PTPRD: variants seen among roughly 807,000 people sequenced by gnomAD.
PTPRD encodes receptor-type tyrosine-protein phosphatase delta.
In PTPRD, 34 loss-of-function variants were observed where a neutral mutation model predicts 214.5. The observed-to-expected ratio is 0.16, with a 90% CI of 0.12 to 0.21. The LOEUF is 0.21. Ranked by LOEUF, PTPRD falls within the 10% of genes least tolerant of loss-of-function variation. PTPRD has a pLI of 1.00. For synonymous variants in PTPRD, 1,128 were observed against 845.7 expected, an observed-to-expected ratio of 1.33 and a Z score of -5.79; for missense variants, 2,545 against 2,398.7, an observed-to-expected ratio of 1.06 and a Z score of -1.27.
At chr9:9,960,775 T>C (rs1179320163) in intron 4 of PTPRD, among the ~76,000 whole-genome samples, 1 of 152,048 alleles carries the variant, frequency 6.6e-6, no homozygotes, top group Non-Finnish European at 1.5e-5. Context: ...TAACTAAATA[T>C]AATGTAATAT....
At chr9:8,466,156 T>C (rs2096540589) in intron 31 of PTPRD, among the ~76,000 whole-genome samples, 2 of 151,962 alleles carry the variant, frequency 1.3e-5, no homozygotes, top group African/African-American at 2.4e-5. Flanking sequence ...ACTCATATGA[T>C]ACAAATTCCC....
intron 2 of PTPRD, among the ~76,000 whole-genome samples, chr9:10,444,302 AGT>A (rs1003671142): frequency 3.3e-5 from 5 of 151,854 alleles, no homozygotes; most frequent in Non-Finnish European, 7.4e-5. Context: ...CTAAATTTTA[AGT>A]AATAAAAGAT....
intron 14 of PTPRD, among the ~76,000 whole-genome samples, chr9:8,537,168 G>A (rs1220073194): frequency 1.3e-5 from 2 of 151,948 alleles, no homozygotes; most frequent in East Asian, 3.9e-4. Context: ...ATAAGGGACT[G>A]AAAACAGAAA....
At chr9:10,610,712 A>G (rs967651003) in intron 2 of PTPRD, among the ~76,000 whole-genome samples, 1 of 152,150 alleles carries the variant, frequency 6.6e-6, no homozygotes, top group Non-Finnish European at 1.5e-5. Flanking sequence ...TTAAATAATA[A>G]TCAAGAAACA....
At chr9:8,711,761 A>T (rs544582684) in intron 12 of PTPRD, among the ~76,000 whole-genome samples, 1 of 152,336 alleles carries the variant, frequency 6.6e-6, no homozygotes, top group African/African-American at 2.4e-5. Flanking sequence ...AGACTGATAA[A>T]ACGTATTTCT....
At chr9:9,395,657 C>G (rs938272012) in intron 9 of PTPRD, among the ~76,000 whole-genome samples, 1 of 152,034 alleles carries the variant, frequency 6.6e-6, no homozygotes, top group Non-Finnish European at 1.5e-5. Flanking sequence ...TTCATGGTTA[C>G]TAACCAAACC....
At chr9:9,697,604 T>G (rs2097404500) in intron 7 of PTPRD, among the ~76,000 whole-genome samples, 1 of 152,144 alleles carries the variant, frequency 6.6e-6, no homozygotes. Flanking sequence ...CTTGTTGCTT[T>G]TAGAATTCTC....
At chr9:9,886,201 G>T (rs149726037) in intron 5 of PTPRD, among the ~76,000 whole-genome samples, 112 of 152,044 alleles carry the variant, frequency 7.4e-4, no homozygotes, top group African/African-American at 2.6e-3. Flanking sequence ...CCTAACCAAA[G>T]AATTATCAAT....
chr9:9,431,724 G>A (rs151139753), intron 8 of PTPRD, among the ~76,000 whole-genome samples: 9,821 of 151,770 alleles, frequency 0.065, 352 homozygotes, highest in Middle Eastern at 0.17. Flanking sequence ...CTATGCAGCC[G>A]TAAAAAGGAT....
intron 5 of PTPRD, among the ~76,000 whole-genome samples, chr9:9,886,533 G>C (rs146787233): frequency 4.6e-4 from 70 of 152,236 alleles, no homozygotes; most frequent in Non-Finnish European, 5.9e-4. Context: ...CCGTTCCACA[G>C]TGTATTTTCC....
intron 2 of PTPRD, among the ~76,000 whole-genome samples, chr9:10,535,600 C>CT (rs998125799): frequency 6.6e-5 from 10 of 151,996 alleles, no homozygotes; most frequent in Middle Eastern, 3.4e-3. Context: ...TTTTTATAGC[C>CT]TTTTTTAAAA....
chr9:8,489,267 T>G (rs1032556090), intron 27 of PTPRD, among the ~76,000 whole-genome samples: 1 of 152,216 alleles, frequency 6.6e-6, no homozygotes, highest in Non-Finnish European at 1.5e-5. Flanking sequence ...GTTTTTGATG[T>G]TGGCATGACC....
intron 2 of PTPRD, among the ~76,000 whole-genome samples, chr9:10,454,197 A>G (rs369189822): frequency 6.6e-6 from 1 of 151,548 alleles, no homozygotes; most frequent in Admixed American, 6.6e-5. Context: ...CCATTTTATC[A>G]TTTCAGCTAG....
At chr9:8,494,249 A>C (rs2097211403) in intron 26 of PTPRD, among the ~76,000 whole-genome samples, 1 of 152,168 alleles carries the variant, frequency 6.6e-6, no homozygotes, top group Non-Finnish European at 1.5e-5. Flanking sequence ...AGCTGATCCC[A>C]AATATGACAG....
In PTPRD at chr9:8,988,128, T is replaced by A. The variant is rs576168258; in HGVS notation, c.-104+30569A>T. On this transcript the variant is annotated intron_variant, in intron 11 of 45. Coordinates refer to ENST00000381196, the MANE Select transcript of PTPRD (RefSeq NM_002839.4). Reference sequence around the variant, plus strand: ...ATATGACAGCTAAGATAGGAAGGCATTTCAAGGAGGTAGTTGTAGTTCATA... The same window carrying A: ...ATATGACAGCTAAGATAGGAAGGCAATTCAAGGAGGTAGTTGTAGTTCATA... 5.3e-4 allele frequency among the ~76,000 whole-genome samples: 81 copies of A among 152,078 alleles called. 1 individual carries two copies. The highest frequency in any genetic ancestry group is 1.9e-3 in the African/African-American group (79 of 41,508).
At chr9:8,542,140 G>C (rs940257925) in intron 14 of PTPRD, among the ~76,000 whole-genome samples, 12 of 152,116 alleles carry the variant, frequency 7.9e-5, no homozygotes, top group African/African-American at 1.7e-4. Context: ...AAAGGATTGC[G>C]ATCTTTTTCC....
intron 9 of PTPRD, among the ~76,000 whole-genome samples, chr9:9,373,909 G>T (rs185027781): frequency 2.9e-4 from 44 of 151,828 alleles, no homozygotes; most frequent in African/African-American, 9.9e-4. Flanking sequence ...TATATATTAT[G>T]GACATTATAT....
chr9:8,478,994 C>T (rs1386799475), intron 30 of PTPRD, among the ~76,000 whole-genome samples: 4 of 152,142 alleles, frequency 2.6e-5, no homozygotes, highest in Admixed American at 2.6e-4. Context: ...TTCTGGATAG[C>T]TTTCATCTAA....
chr9:9,809,672 C>T (rs7852937), intron 5 of PTPRD, among the ~76,000 whole-genome samples: 35,303 of 151,992 alleles, frequency 0.23, 4,692 homozygotes, highest in African/African-American at 0.37. Context: ...GAGAATGTAA[C>T]ATCAGTTGAA....
Sources: gnomAD v4.1 joint callset for allele counts (sites outside exome capture counted in the v4.1 genomes callset) on GRCh38, gnomAD v4.1.1 for gene constraint, MANE v1.5 for transcripts, NCBI Gene and HGNC (gene_info 2026-07-23, HGNC 2026-07-21) for gene names.